The following CDYL2 variants were observed in gnomAD, a reference collection of about 807,000 sequenced individuals.
The protein encoded by CDYL2 is chromodomain Y-like protein 2.
A neutral mutation model predicts 49.4 loss-of-function variants in CDYL2; 23 were observed. That is an observed-to-expected ratio of 0.47 (90% CI 0.34 to 0.66). The LOEUF is 0.66. CDYL2 is among the 30% of genes least tolerant of loss of function. CDYL2 has a pLI of 0.01. For synonymous variants in CDYL2, 360 were observed against 268.8 expected (o/e 1.34, Z -3.32); for missense variants, 678 against 656.4 (o/e 1.03, Z -0.36).
At chr16:80,636,819 A>G (rs1302255392) in intron 2 of CDYL2, among the ~76,000 whole-genome samples, 1 of 152,218 alleles carries the variant, frequency 6.6e-6, no homozygotes, top group Admixed American at 6.5e-5. Flanking sequence ...CCCATCAACG[A>G]TAGACTGGAT....
intron 6 of CDYL2, among the ~76,000 whole-genome samples, chr16:80,606,996 C>G (rs781536748): frequency 1.3e-5 from 2 of 152,286 alleles, no homozygotes; most frequent in South Asian, 2.1e-4. Context: ...TTATCAGCAG[C>G]GTGAGAACAA....
At chr16:80,689,812 T>A (rs1910341385) in intron 1 of CDYL2, among the ~76,000 whole-genome samples, 1 of 152,132 alleles carries the variant, frequency 6.6e-6, no homozygotes, top group Non-Finnish European at 1.5e-5. Flanking sequence ...ACATAATATG[T>A]AGTAACAAAT....
At chr16:80,772,272 G>C (rs918517618) in intron 1 of CDYL2, among the ~76,000 whole-genome samples, 1 of 152,064 alleles carries the variant, frequency 6.6e-6, no homozygotes, top group South Asian at 2.1e-4. Flanking sequence ...GACATGGAGA[G>C]GGAAGTAAAG....
Position 80,628,736 on chromosome 16 carries a change from T to C in CDYL2, c.834+4283A>G, listed in dbSNP as rs180991154. On this transcript the variant is annotated intron_variant, in intron 3 of 6. Transcript: ENST00000570137. ...AGCATACTTACCATCTTTATATCCC[T>C]TGCAGCACCTAGTCCAGACCCTTTC... Among the ~76,000 whole-genome samples, 38 of 152,366 alleles carry C rather than the reference T, an allele frequency of 2.5e-4. 1 individual carries two copies. The East Asian group carries it at 7.3e-3, about 29-fold the overall frequency.
At chr16:80,747,741 G>GT (rs753771580) in intron 1 of CDYL2, among the ~76,000 whole-genome samples, 6 of 152,110 alleles carry the variant, frequency 3.9e-5, no homozygotes, top group Non-Finnish European at 8.8e-5. Flanking sequence ...GAACCACTGA[G>GT]TAAGTGCCCT....
intron 1 of CDYL2, among the ~76,000 whole-genome samples, chr16:80,750,020 G>GAGAAC (rs1209851736): frequency 2.6e-5 from 4 of 151,686 alleles, no homozygotes; most frequent in African/African-American, 9.7e-5. Flanking sequence ...TCACTCAGAG[G>GAGAAC]TGGGAATTGA....
intron 1 of CDYL2, among the ~76,000 whole-genome samples, chr16:80,689,811 G>A (rs1910341301): frequency 6.6e-6 from 1 of 152,170 alleles, no homozygotes; most frequent in African/African-American, 2.4e-5. Context: ...AACATAATAT[G>A]TAGTAACAAA....
At chr16:80,660,574 A>G (rs1325425164) in intron 2 of CDYL2, among the ~76,000 whole-genome samples, 1 of 152,260 alleles carries the variant, frequency 6.6e-6, no homozygotes, top group Non-Finnish European at 1.5e-5. Flanking sequence ...ACAGAGAACA[A>G]GAATGGGTAA....
intron 1 of CDYL2, among the ~76,000 whole-genome samples, chr16:80,745,826 G>A (rs1037759347): frequency 6.6e-6 from 1 of 152,088 alleles, no homozygotes; most frequent in South Asian, 2.1e-4. Flanking sequence ...GGTTTCTCCA[G>A]CGACCTTCCA....
At chr16:80,634,674 A>G (rs1907736263) in intron 2 of CDYL2, among the ~76,000 whole-genome samples, 1 of 152,196 alleles carries the variant, frequency 6.6e-6, no homozygotes, top group African/African-American at 2.4e-5. Context: ...AGGATAATAA[A>G]GAAATACTAA....
Position 80,651,376 on chromosome 16 carries a change from A to T in CDYL2, c.617-18140T>A, listed in dbSNP as rs578217997. 4.6e-5 allele frequency among the ~76,000 whole-genome samples: 7 copies of T among 152,366 alleles called. No homozygotes were observed. The South Asian group carries it at 1.4e-3, about 32-fold the overall frequency. The stretch of plus-strand genomic sequence containing the variant: ...CTATATATGATACCAACTATAAAAC[A>T]GTCTAGTAAAAGCAAAAGTATAAAA... On this transcript the variant is annotated intron_variant, in intron 2 of 6. Coordinates refer to ENST00000570137, the MANE Select transcript of CDYL2 (RefSeq NM_152342.4).
At chr16:80,625,322 C>G (rs146669127) in intron 3 of CDYL2, among the ~76,000 whole-genome samples, 1 of 152,348 alleles carries the variant, frequency 6.6e-6, no homozygotes, top group African/African-American at 2.4e-5. Context: ...TAATGCCGAG[C>G]TGGGTCTTCC....
rs940410431 is a variant in CDYL2 at position 80,779,061 on chromosome 16, T to C, written c.24+25089A>G. On this transcript the variant is annotated intron_variant, in intron 1 of 6. Transcript: ENST00000570137. Reference sequence around the variant, plus strand: ...ATGCTTACATATTTTGTCATGAGGATAGCCTTCCCCTCACTCCAAGGAAGG... The same window carrying C: ...ATGCTTACATATTTTGTCATGAGGACAGCCTTCCCCTCACTCCAAGGAAGG... Among the ~76,000 whole-genome samples the C allele has an allele frequency of 4.4e-4, 67 of 151,978 alleles. 1 individual carries two copies. Among genetic ancestry groups the C allele is most frequent in the African/African-American group, 1.6e-3 (66 of 41,458 alleles).
At chr16:80,617,143 A>T (rs1429255857) in intron 4 of CDYL2, among the ~76,000 whole-genome samples, 1 of 152,278 alleles carries the variant, frequency 6.6e-6, no homozygotes, top group Middle Eastern at 3.4e-3. Flanking sequence ...GCTCTCCCCA[A>T]ATCTGCTAGT....
intron 1 of CDYL2, among the ~76,000 whole-genome samples, chr16:80,779,808 A>T (rs534657934): frequency 3.3e-4 from 51 of 152,282 alleles, no homozygotes; most frequent in South Asian, 1.0e-3. Flanking sequence ...GCAAAGACAG[A>T]CTAGAAGGAT....
At chr16:80,609,403 C>A (rs1202003139) in intron 5 of CDYL2, among the ~76,000 whole-genome samples, 2 of 152,212 alleles carry the variant, frequency 1.3e-5, no homozygotes, top group African/African-American at 4.8e-5. Context: ...GTAAGTTCCC[C>A]CACTGAGTTC....
chr16:80,730,606 G>A (rs986756070), intron 1 of CDYL2, among the ~76,000 whole-genome samples: 1 of 151,910 alleles, frequency 6.6e-6, no homozygotes, highest in African/African-American at 2.4e-5. Flanking sequence ...ATTTTATGAG[G>A]CCAGCATCAT....
At chr16:80,639,959 C>T (rs2142402672) in intron 2 of CDYL2, among the ~76,000 whole-genome samples, 1 of 152,310 alleles carries the variant, frequency 6.6e-6, no homozygotes, top group East Asian at 1.9e-4. Flanking sequence ...TCCCAGTGGT[C>T]AGAACTTGAG....
At chr16:80,701,866 G>T (rs1904302927) in intron 1 of CDYL2, among the ~76,000 whole-genome samples, 1 of 152,104 alleles carries the variant, frequency 6.6e-6, no homozygotes, top group Non-Finnish European at 1.5e-5. Flanking sequence ...ATAATGAGAA[G>T]GCACTTCTAC....
Sources: allele counts gnomAD v4.1 joint callset (sites outside exome capture counted in the v4.1 genomes callset), GRCh38; gene constraint gnomAD v4.1.1; transcripts MANE v1.5; gene names NCBI Gene and HGNC (gene_info 2026-07-23, HGNC 2026-07-21).